The following NF1 variants were observed in gnomAD, a reference collection of about 807,000 sequenced individuals.
The protein encoded by NF1 is neurofibromin 1, also known as neurofibromin.
NF1 carries 122 observed loss-of-function variants against 325.7 expected under a neutral mutation model. The observed-to-expected ratio is 0.37, with a 90% CI of 0.32 to 0.44. The LOEUF (loss-of-function observed/expected upper bound fraction) is 0.44. NF1 is among the 20% of genes least tolerant of loss of function. NF1 has a pLI of 1.00. For synonymous variants in NF1, 1,091 were observed against 1,186.0 expected, an observed-to-expected ratio of 0.92 and a Z score of 1.65; for missense variants, 2,140 against 3,415.4, an observed-to-expected ratio of 0.63 and a Z score of 9.31.
intron 36 of NF1, among the ~76,000 whole-genome samples, chr17:31,306,719 A>G (rs1028068203): frequency 1.3e-5 from 2 of 152,096 alleles, no homozygotes; most frequent in African/African-American, 4.8e-5. Flanking sequence ...CAGTTGGTCA[A>G]GTAGTCCTGC....
chr17:31,176,957 C>A (rs112414445), intron 5 of NF1, among the ~76,000 whole-genome samples: 1 of 152,084 alleles, frequency 6.6e-6, no homozygotes, highest in African/African-American at 2.4e-5. Flanking sequence ...CAGCTTTGTT[C>A]TTTTTGCTTA....
At chr17:31,267,820 C>T (rs1408042563) in intron 36 of NF1, among the ~76,000 whole-genome samples, 1 of 152,154 alleles carries the variant, frequency 6.6e-6, no homozygotes, top group East Asian at 1.9e-4. Context: ...CCATCATCAT[C>T]CCTTCTAGTT....
intron 36 of NF1, among the ~76,000 whole-genome samples, chr17:31,322,339 G>A (rs2069223508): frequency 6.6e-6 from 1 of 151,166 alleles, no homozygotes; most frequent in Admixed American, 6.6e-5. Flanking sequence ...AATTAACCAG[G>A]CAGGGTAGCA....
Position 31,375,498 on chromosome 17 carries a change from A to G in NF1, c.*1343A>G, listed in dbSNP as rs1008308571. ...CTTTGTGGTACCTGCAGTTTACAAA[A>G]TAATTTGACTTCAGTGAGCATATTG... On this transcript the variant is annotated 3_prime_UTR_variant, in exon 58 of 58. Transcript: ENST00000358273. The G allele has an allele frequency of 2.6e-5, 6 of 231,562 alleles. No homozygotes were observed. The South Asian group carries it at 7.2e-4, about 28-fold the overall frequency. 14.3% of individuals were successfully genotyped at this position (231,562 alleles called of 1,614,324 possible).
chr17:31,185,492 C>T (rs955855067), intron 8 of NF1, among the ~76,000 whole-genome samples: 6 of 152,014 alleles, frequency 3.9e-5, no homozygotes, highest in South Asian at 4.2e-4. Context: ...GAAATAAATC[C>T]GAGTAAAACT....
chr17:31,133,966 G>A (rs1915582012), intron 1 of NF1, among the ~76,000 whole-genome samples: 2 of 152,076 alleles, frequency 1.3e-5, no homozygotes, highest in Non-Finnish European at 2.9e-5. Flanking sequence ...CTTATTTCAT[G>A]TCTCTTTTTG....
At position 31,187,030 on chromosome 17, in the gene NF1, T is replaced by C. The variant is rs559743644; in HGVS notation, c.888+4365T>C. 5.3e-5 allele frequency among the ~76,000 whole-genome samples: 8 copies of C among 152,276 alleles called. 1 individual carries two copies. The highest frequency in any genetic ancestry group is 4.2e-4 in the South Asian group (2 of 4,814). ...CTGGAATAGACACTTACTCCTGATATGGGTTTGCCTATCCTGTATGCAATG... is the reference window on the plus strand; with the variant it reads ...CTGGAATAGACACTTACTCCTGATACGGGTTTGCCTATCCTGTATGCAATG... On this transcript the variant is annotated intron_variant, in intron 8 of 57. Transcript: ENST00000358273.
intron 38 of NF1, among the ~76,000 whole-genome samples, chr17:31,328,594 T>C (rs2069405720): frequency 6.6e-6 from 1 of 152,206 alleles, no homozygotes; most frequent in African/African-American, 2.4e-5. Context: ...TATTTTCTTA[T>C]CTTTTCCCTC....
intron 29 of NF1, among the ~76,000 whole-genome samples, chr17:31,244,240 G>A (rs966625583): frequency 5.3e-5 from 8 of 152,112 alleles, no homozygotes; most frequent in African/African-American, 1.7e-4. Context: ...CAGAGGGAAG[G>A]CATCTCTGTT....
chr17:31,373,781 C>A (rs572266951), intron 57 of NF1, among the ~76,000 whole-genome samples: 1 of 152,226 alleles, frequency 6.6e-6, no homozygotes, highest in South Asian at 2.1e-4. Flanking sequence ...ATATGGTAAC[C>A]TGCTGTACAG....
At chr17:31,328,254 C>T (rs2151542506) in intron 38 of NF1, among the ~76,000 whole-genome samples, 1 of 152,306 alleles carries the variant, frequency 6.6e-6, no homozygotes, top group South Asian at 2.1e-4. Context: ...TGCATACTTT[C>T]CACCTACATC....
chr17:31,253,145 T>A (rs1488628048), intron 31 of NF1, 145 bp downstream of exon 31: 1 of 669,438 alleles, frequency 1.5e-6, no homozygotes, highest in East Asian at 2.7e-5. Flanking sequence ...TAGCTTTCAT[T>A]TCAATTAACC....
intron 51 of NF1, among the ~76,000 whole-genome samples, chr17:31,354,687 A>G (rs1411102236): frequency 6.6e-6 from 1 of 152,176 alleles, no homozygotes; most frequent in Non-Finnish European, 1.5e-5. Flanking sequence ...ATGCAGGAGC[A>G]ATGGGAGAAT....
intron 1 of NF1, among the ~76,000 whole-genome samples, chr17:31,102,688 T>C (rs1912456766): frequency 6.6e-6 from 1 of 151,826 alleles, no homozygotes; most frequent in Admixed American, 6.6e-5. Flanking sequence ...TGAGCCATGA[T>C]TGTGCCACTG....
At chr17:31,300,699 C>G (rs1037568044) in intron 36 of NF1, among the ~76,000 whole-genome samples, 1 of 152,028 alleles carries the variant, frequency 6.6e-6, no homozygotes, top group African/African-American at 2.4e-5. Flanking sequence ...AGGGTAAATG[C>G]ATTTGGAATT....
chr17:31,135,461 A>C lies in NF1; in HGVS notation c.61-20522A>C, dbSNP rs570778225. Among the ~76,000 whole-genome samples the C allele has an allele frequency of 2.0e-5, 3 of 152,040 alleles. No individual in the cohort carries two copies. In the East Asian group the frequency reaches 5.8e-4, roughly 29 times the overall value. ...AAACAGTTCATGGGAAACCAGTCTG[A>C]TGGTTTTTTTTTCTTCTGCCTGGAG... On this transcript the variant is annotated intron_variant, in intron 1 of 57. Transcript: ENST00000358273.
rs186533806 is a variant in NF1, at chr17:31,216,935, C to T, written c.1528-2070C>T. The stretch of plus-strand genomic sequence containing the variant: ...CTCATTCTAAGCTATTGTCACTGCA[C>T]TAAGGAAGCCTCCCTGAGTCGGACA... On this transcript the variant is annotated intron_variant, in intron 13 of 57. Transcript: ENST00000358273. Among the ~76,000 whole-genome samples the T allele has an allele frequency of 3.6e-4, 55 of 152,280 alleles. 4 individuals carry two copies. In the East Asian group the frequency reaches 4.1e-3, roughly 11 times the overall value.
At chr17:31,259,980 A>C (rs1406071386) in intron 33 of NF1, among the ~76,000 whole-genome samples, 1 of 152,142 alleles carries the variant, frequency 6.6e-6, no homozygotes, top group Non-Finnish European at 1.5e-5. Context: ...ATATTCTGGC[A>C]CTCTGTGTAC....
In NF1 at chr17:31,232,697, C is replaced by T. The variant is rs752318318; in HGVS notation, c.3315-3C>T. 14 of 1,613,378 alleles carry T rather than the reference C, an allele frequency of 8.7e-6. No homozygotes were observed. In the South Asian group the frequency reaches 1.5e-4, roughly 18 times the overall value. ...TGTAAAGGTCAGTCTTTTTATTTCTCAGATACTTCACATTATTTATGAACC... is the reference window on the plus strand; with the variant it reads ...TGTAAAGGTCAGTCTTTTTATTTCTTAGATACTTCACATTATTTATGAACC... On this transcript the variant is annotated splice_polypyrimidine_tract_variant and splice_region_variant and intron_variant, in intron 25 of 57. Transcript: ENST00000358273.
Sources: allele counts gnomAD v4.1 joint callset (sites outside exome capture counted in the v4.1 genomes callset), GRCh38; gene constraint gnomAD v4.1.1; transcripts MANE v1.5; gene names NCBI Gene and HGNC (gene_info 2026-07-23, HGNC 2026-07-21).